The following AFF2 variants were observed in gnomAD, a reference collection of about 807,000 sequenced individuals.
AFF2 encodes ALF transcription elongation factor 2, also known as AF4/FMR2 family member 2.
Under a neutral mutation model 76.9 loss-of-function variants are expected in AFF2, and 14 were observed. That is an observed-to-expected ratio of 0.18 (90% CI 0.12 to 0.28). The LOEUF (loss-of-function observed/expected upper bound fraction) is 0.28. Among genes scored for constraint, AFF2 ranks in the 10% least tolerant of loss-of-function variants. The pLI, the probability that AFF2 is intolerant of heterozygous loss-of-function variation, is 1.00. For missense variants in AFF2, 868 were observed against 1,001.1 expected (o/e 0.87, Z 1.79); for synonymous variants, 398 against 366.7 (o/e 1.09, Z -0.98).
chrX:148,965,724 A>G (rs1426159159), intron 13 of AFF2, among the ~76,000 whole-genome samples: 1 of 112,111 alleles, frequency 8.9e-6, no homozygotes, highest in Non-Finnish European at 1.9e-5. Flanking sequence ...AGCTTTGGAG[A>G]TTGGGTAAGA....
At chrX:148,825,365 G>T (rs191592594) in intron 4 of AFF2, among the ~76,000 whole-genome samples, 7 of 111,825 alleles carry the variant, frequency 6.3e-5, no homozygotes, top group African/African-American at 1.9e-4. Context: ...TAACATAAAT[G>T]AAACAGTGAA....
intron 3 of AFF2, among the ~76,000 whole-genome samples, chrX:148,769,465 C>G (rs1557267962): frequency 9.0e-6 from 1 of 111,521 alleles, no homozygotes; most frequent in Admixed American, 9.5e-5. Context: ...TTTTTGTTCC[C>G]TATCGATAAA....
chrX:148,559,906 A>G (rs2053091502), intron 1 of AFF2, among the ~76,000 whole-genome samples: 1 of 111,630 alleles, frequency 9.0e-6, no homozygotes, highest in Admixed American at 9.5e-5. Flanking sequence ...GTGTAAAAGC[A>G]TTCCTATTTC....
intron 3 of AFF2, among the ~76,000 whole-genome samples, chrX:148,720,930 T>A (rs1272112281): frequency 8.9e-6 from 1 of 111,893 alleles, no homozygotes; most frequent in African/African-American, 3.2e-5. Context: ...CATATTTCTA[T>A]GGAGGGTTCA....
intron 2 of AFF2, among the ~76,000 whole-genome samples, chrX:148,657,034 A>G (rs2124463110): frequency 8.9e-6 from 1 of 111,738 alleles, no homozygotes; most frequent in African/African-American, 3.3e-5. Context: ...ATTGAATCAT[A>G]GTAATTAATA....
At chrX:148,749,104 C>T (rs58106745) in intron 3 of AFF2, among the ~76,000 whole-genome samples, 3,088 of 111,528 alleles carry the variant, frequency 0.028, 112 homozygotes, top group African/African-American at 0.096. Flanking sequence ...GGGGAAACCC[C>T]AGTACATAGT....
At chrX:148,915,836 A>T (rs2071521198) in intron 9 of AFF2, among the ~76,000 whole-genome samples, 1 of 112,588 alleles carries the variant, frequency 8.9e-6, no homozygotes, top group African/African-American at 3.2e-5. Context: ...CTACATACAC[A>T]TTGTACACTC....
chrX:148,509,742 G>A (rs1315907968), intron 1 of AFF2, among the ~76,000 whole-genome samples: 1 of 112,037 alleles, frequency 8.9e-6, no homozygotes, highest in African/African-American at 3.2e-5. Flanking sequence ...TTTGTTAGGT[G>A]TGTACCAACA....
intron 4 of AFF2, among the ~76,000 whole-genome samples, chrX:148,822,851 T>C (rs2070345197): frequency 9.0e-6 from 1 of 110,761 alleles, no homozygotes; most frequent in African/African-American, 3.3e-5. Context: ...CCTGGCAACA[T>C]GTTAACTGGA....
In AFF2 at chrX:148,775,600, T is replaced by C. The variant is rs59006327; in HGVS notation, c.1042-34276T>C. ...CAAAATCAAGGTGACTGTGGAACTT[T>C]CCAGAAGCTTTTGGAGAGAATCTTT... On this transcript the variant is annotated intron_variant, in intron 3 of 20. Coordinates refer to ENST00000370460, the MANE Select transcript of AFF2 (RefSeq NM_002025.4). Among the ~76,000 whole-genome samples the C allele has an allele frequency of 3.0e-3, 331 of 112,142 alleles. 5 individuals carry two copies. The East Asian group carries it at 0.057, about 19-fold the overall frequency.
chrX:148,541,883 G>A (rs2052861437), intron 1 of AFF2, among the ~76,000 whole-genome samples: 1 of 107,922 alleles, frequency 9.3e-6, no homozygotes, highest in Admixed American at 1.0e-4. Context: ...TTATACAGAT[G>A]AGTGAACTGA....
intron 3 of AFF2, among the ~76,000 whole-genome samples, chrX:148,745,886 G>T (rs1419053244): frequency 1.8e-5 from 2 of 110,702 alleles, no homozygotes; most frequent in Non-Finnish European, 3.8e-5. Flanking sequence ...GGGACTACAG[G>T]TGCCTGCCAC....
intron 20 of AFF2, among the ~76,000 whole-genome samples, chrX:148,989,451 T>C (rs1164969446): frequency 3.6e-5 from 4 of 112,289 alleles, no homozygotes; most frequent in Non-Finnish European, 7.5e-5. Flanking sequence ...TCATCTTGAA[T>C]GAAAACAACT....
intron 9 of AFF2, among the ~76,000 whole-genome samples, chrX:148,951,019 AG>A (rs2071959817): frequency 8.9e-6 from 1 of 111,887 alleles, no homozygotes; most frequent in African/African-American, 3.3e-5. Flanking sequence ...AGTTTTATTA[AG>A]GGGTGCTTAT....
chrX:148,506,326 G>T (rs1557232517), intron 1 of AFF2, among the ~76,000 whole-genome samples: 1 of 111,409 alleles, frequency 9.0e-6, no homozygotes, highest in Non-Finnish European at 1.9e-5. Context: ...AGGGGTTCTT[G>T]CCATTTTATT....
At chrX:148,967,989 G>C (rs2072202100) in intron 15 of AFF2, among the ~76,000 whole-genome samples, 1 of 111,706 alleles carries the variant, frequency 9.0e-6, no homozygotes, top group Non-Finnish European at 1.9e-5. Context: ...ATTTTGGAAT[G>C]ACTTATGAAA....
At chrX:148,511,153 A>G (rs1376334242) in intron 1 of AFF2, among the ~76,000 whole-genome samples, 4 of 111,600 alleles carry the variant, frequency 3.6e-5, no homozygotes, top group Non-Finnish European at 7.5e-5. Flanking sequence ...TGTGTACAGC[A>G]TTTTGAGATT....
At chrX:148,738,299 T>C (rs2055309899) in intron 3 of AFF2, among the ~76,000 whole-genome samples, 1 of 111,314 alleles carries the variant, frequency 9.0e-6, no homozygotes, top group South Asian at 3.8e-4. Context: ...TCTCACTGCT[T>C]GTTATTGGTC....
chrX:148,551,482 GAAAAAAAAAAAAA>G (rs781883999), intron 1 of AFF2, among the ~76,000 whole-genome samples: 497 of 38,011 alleles, frequency 0.013, 9 homozygotes, highest in African/African-American at 0.044. Context: ...GCTGGGAAGT[GAAAAAAAAAAAAA>G]AAAAAAAAAA....
Sources: gnomAD v4.1 joint callset for allele counts (sites outside exome capture counted in the v4.1 genomes callset) on GRCh38, gnomAD v4.1.1 for gene constraint, MANE v1.5 for transcripts, NCBI Gene and HGNC (gene_info 2026-07-23, HGNC 2026-07-21) for gene names.